STC2: variants seen among roughly 807,000 people sequenced by gnomAD.
The protein encoded by STC2 is stanniocalcin-2.
STC2 carries 7 observed loss-of-function variants against 22.7 expected under a neutral mutation model. That is an observed-to-expected ratio of 0.31 (90% CI 0.18 to 0.58). The LOEUF is 0.58. Among genes scored for constraint, STC2 ranks in the 20% least tolerant of loss-of-function variants. STC2 has a pLI of 0.89. For synonymous variants in STC2, 158 were observed against 163.4 expected, an observed-to-expected ratio of 0.97 and a Z score of 0.25; for missense variants, 336 against 406.2, an observed-to-expected ratio of 0.83 and a Z score of 1.48.
At chr5:173,327,175 C>T (rs903584811) in intron 1 of STC2, among the ~76,000 whole-genome samples, 3 of 152,258 alleles carry the variant, frequency 2.0e-5, no homozygotes, top group Non-Finnish European at 4.4e-5. Flanking sequence ...TGGGGCGTCC[C>T]TAATGGGCAC....
intron 3 of STC2, among the ~76,000 whole-genome samples, chr5:173,320,932 G>A (rs1399878056): frequency 6.6e-6 from 1 of 151,856 alleles, no homozygotes; most frequent in East Asian, 1.9e-4. Flanking sequence ...AGGCAGTTCA[G>A]CTAGAAGTAC....
At position 173,318,266 on chromosome 5, in the gene STC2, A is replaced by AAGAGAGAGAGAGAGAG. The variant is rs4041247; in HGVS notation, c.507-33_507-18dup. ...ACGTAGGGTCTAAAGATTGAAAGCAAAGAGAGAGAGAGAGAGAGAGAGAGA... is the reference window on the plus strand; with the variant it reads ...ACGTAGGGTCTAAAGATTGAAAGCAAAGAGAGAGAGAGAGAGAGAGAGAGAGAGAGAGAGAGAGAGA... On this transcript the variant is annotated splice_polypyrimidine_tract_variant and intron_variant, in intron 3 of 3. Transcript: ENST00000265087. The AAGAGAGAGAGAGAGAG allele has an allele frequency of 6.9e-4, 853 of 1,235,514 alleles. 4 individuals are homozygous for AAGAGAGAGAGAGAGAG. Among genetic ancestry groups the AAGAGAGAGAGAGAGAG allele is most frequent in the African/African-American group, 6.7e-3 (374 of 55,992 alleles). The allele number at this position is 1,235,514 out of a possible 1,614,324, so 76.5% of individuals were successfully genotyped here.
intron 3 of STC2, among the ~76,000 whole-genome samples, chr5:173,319,940 GAGGTGGGC>G (rs1561643032): frequency 6.6e-6 from 1 of 152,246 alleles, no homozygotes; most frequent in Non-Finnish European, 1.5e-5. Context: ...GGACTGCCCT[GAGGTGGGC>G]AGGTGGGCAT....
chr5:173,328,390 C>T lies in STC2; in HGVS notation c.-197G>A, dbSNP rs970498981. On this transcript the variant is annotated 5_prime_UTR_variant, in exon 1 of 4. Coordinates refer to ENST00000265087, the MANE Select transcript of STC2 (RefSeq NM_003714.3). The stretch of plus-strand genomic sequence containing the variant: ...CCGTAGCTCTCCGGAGAGCATGTGA[C>T]CAGGCCGTTAGCAGCGCCGCGAGTG... The T allele has an allele frequency of 2.1e-5, 10 of 467,640 alleles. No homozygotes were observed. The highest frequency in any genetic ancestry group is 1.4e-4 in the African/African-American group (7 of 49,800). The allele number at this position is 467,640 out of a possible 1,614,324, so 29.0% of individuals were successfully genotyped here. A position where few individuals can be genotyped will look rare whatever the true frequency, so the allele number is the denominator to read the frequency against.
intron 1 of STC2, among the ~76,000 whole-genome samples, chr5:173,327,553 T>C (rs1051334828): frequency 1.3e-5 from 2 of 152,234 alleles, no homozygotes; most frequent in Non-Finnish European, 2.9e-5. Context: ...GCCATTTGTC[T>C]CGCCGGCAAA....
At chr5:173,326,131 G>T in intron 1 of STC2, 121 bp from the exon 2 acceptor site, 1 of 1,161,290 alleles carries the variant, frequency 8.6e-7, no homozygotes, top group Non-Finnish European at 1.2e-6. Flanking sequence ...AAAAGACTTA[G>T]TAATGACTAT....
In STC2 at chr5:173,317,722, A is replaced by G; in HGVS notation, c.*125T>C. ...GTTCCGCGAACACACACCTCGATGA[A>G]GTCCACAGTCCCCACAGAATCCTGC... is the stretch of plus-strand genomic sequence containing the variant. On this transcript the variant is annotated 3_prime_UTR_variant, in exon 4 of 4. Transcript: ENST00000265087. 1 of 1,305,486 alleles carries G rather than the reference A, an allele frequency of 7.7e-7. No individual in the cohort carries two copies. The highest frequency in any genetic ancestry group is 1.0e-6 in the Non-Finnish European group (1 of 973,044). 80.9% of individuals were successfully genotyped at this position (1,305,486 alleles called of 1,614,324 possible).
At position 173,318,125 on chromosome 5, in the gene STC2, A is replaced by G. The variant is rs1762447185; in HGVS notation, c.631T>C (p.Cys211Arg). ...WGSLCSILSF[C>R]TSAIQKPPTA... ...GGAGGCTTCTGGATGGCCGAGGTGC[A>G]GAAGCTCAAGATGGAGCACAGGCTT... Residue 211 changes from cysteine to arginine, a missense_variant, in exon 4 of 4, where the codon TGC (cysteine) becomes CGC (arginine). Physicochemically the swap from Cys to Arg is radical, Grantham distance 180. Transcript: ENST00000265087. 1.1e-5 allele frequency: 18 copies of G among 1,610,494 alleles called. No homozygotes were observed. Among genetic ancestry groups the G allele is most frequent in the Non-Finnish European group, 1.5e-5 (18 of 1,178,688 alleles).
rs1762531383 is a variant in STC2, at chr5:173,325,143, A to G, written c.294+725T>C. Among the ~76,000 whole-genome samples, 1 of 152,240 alleles carries G rather than the reference A, an allele frequency of 6.6e-6. No individual in the cohort carries two copies. The highest frequency in any genetic ancestry group is 1.5e-5 in the Non-Finnish European group (1 of 68,038). Reference sequence around the variant, plus strand: ...TAGTAACAGGGCGTTTCAACAGGGCATATAAGTGGCCAGGGAGAACACGAA... The same window carrying G: ...TAGTAACAGGGCGTTTCAACAGGGCGTATAAGTGGCCAGGGAGAACACGAA... On this transcript the variant is annotated intron_variant, in intron 2 of 3. Coordinates refer to ENST00000265087, the MANE Select transcript of STC2 (RefSeq NM_003714.3). The surrounding 1 kb of genome is among the most constrained non-coding windows in gnomAD (Gnocchi z 4.7).
intron 3 of STC2, among the ~76,000 whole-genome samples, chr5:173,318,874 G>A (rs1762456184): frequency 6.6e-6 from 1 of 152,230 alleles, no homozygotes; most frequent in Non-Finnish European, 1.5e-5. Context: ...GCATCTGGAG[G>A]AGTATGGAAG....
chr5:173,318,123 G>T lies in STC2; in HGVS notation c.633C>A (p.Cys211Ter). 1 of 1,610,522 alleles carries T rather than the reference G, an allele frequency of 6.2e-7. No individual in the cohort carries two copies. The highest frequency in any genetic ancestry group is 8.5e-7 in the Non-Finnish European group (1 of 1,178,726). Residue 211 changes from cysteine (C) to a stop codon, truncating the protein, a stop_gained, in exon 4 of 4, where the codon TGC becomes TGA. Transcript: ENST00000265087. LOFTEE classifies it low-confidence loss of function (END_TRUNC). The part of the protein sequence containing the change: ...WGSLCSILSF[C>*]TSAIQKPPTA... The stretch of plus-strand genomic sequence containing the variant: ...TGGGAGGCTTCTGGATGGCCGAGGT[G>T]CAGAAGCTCAAGATGGAGCACAGGC...
At position 173,317,754 on chromosome 5, in the gene STC2, C is replaced by T. The variant is rs1396965815; in HGVS notation, c.*93G>A. On this transcript the variant is annotated 3_prime_UTR_variant, in exon 4 of 4. Transcript: ENST00000265087. ...AGTCCCCACAGAATCCTGCGTGTGA[C>T]ATCCCCCCTCTCTAATGGTAAATGT... is the stretch of plus-strand genomic sequence containing the variant. 3 of 1,451,174 alleles carry T rather than the reference C, an allele frequency of 2.1e-6. No homozygotes were observed. The highest frequency in any genetic ancestry group is 2.8e-6 in the Non-Finnish European group (3 of 1,090,242). The allele number at this position is 1,451,174 out of a possible 1,614,324, so 89.9% of individuals were successfully genotyped here. A position where few individuals can be genotyped will look rare whatever the true frequency, so the allele number is the denominator to read the frequency against.
chr5:173,325,801 T>G lies in STC2; in HGVS notation c.294+67A>C. On this transcript the variant is annotated intron_variant, in intron 2 of 3. Transcript: ENST00000265087. This position sits in a 1 kb window ranked among gnomAD's most constrained non-coding sequence, Gnocchi z 4.7. Reference sequence around the variant, plus strand: ...GCAAAGGAAGTTGGTTAACAAGGCTTTCCAATGAACGTTTCAATCATGTAT... The same window carrying G: ...GCAAAGGAAGTTGGTTAACAAGGCTGTCCAATGAACGTTTCAATCATGTAT... 6.2e-7 allele frequency: 1 copy of G among 1,603,422 alleles called. No individual in the cohort carries two copies.
At position 173,318,192 on chromosome 5, in the gene STC2, G is replaced by A. The variant is rs1264972276; in HGVS notation, c.564C>T (p.Ala188=). 1.9e-6 allele frequency: 3 copies of A among 1,555,110 alleles called. No individual in the cohort carries two copies. The highest frequency in any genetic ancestry group is 2.4e-5 in the South Asian group (2 of 83,692). Reference sequence around the variant, plus strand: ...ACTGAACCTGCACGCTGTGGGTGATGGCCTCCTTCACCTCCTCCCCACAGG... The same window carrying A: ...ACTGAACCTGCACGCTGTGGGTGATAGCCTCCTTCACCTCCTCCCCACAGG... ...LLTCGEEVKE[A]ITHSVQVQCE... is the part of the protein sequence containing the mutation. The change falls in exon 4 of 4, where the codon GCC becomes GCT. Residue 188 remains alanine (A), a synonymous_variant. Coordinates refer to ENST00000265087, the MANE Select transcript of STC2 (RefSeq NM_003714.3).
Position 173,325,902 on chromosome 5 carries a change from G to T in STC2, c.260C>A (p.Thr87Asn), listed in dbSNP as rs766088063. ...AAATTTTCCAGCGTTGTGCAGAAAA[G>T]TCATGCAAATCCCATGTAAGCCCCG... ...EIRGLHGICM[T>N]FLHNAGKFDA... Residue 87 changes from threonine (T) to asparagine (N), a missense_variant, in exon 2 of 4, where the codon ACT (threonine) becomes AAT (asparagine). Coordinates refer to ENST00000265087, the MANE Select transcript of STC2 (RefSeq NM_003714.3). The surrounding 1 kb of genome is among the most constrained non-coding windows in gnomAD (Gnocchi z 4.7). 6.2e-7 allele frequency: 1 copy of T among 1,614,176 alleles called. No homozygotes were observed.
chr5:173,327,766 A>ATTTCCCTC (rs1762568521), intron 1 of STC2, among the ~76,000 whole-genome samples: 1 of 152,212 alleles, frequency 6.6e-6, no homozygotes, highest in African/African-American at 2.4e-5. Context: ...TGGCAGCGTC[A>ATTTCCCTC]GACGCTGCTT....
In STC2 at chr5:173,316,368, A is replaced by T. The variant is rs1270888400; in HGVS notation, c.*1479T>A. The T allele has an allele frequency of 6.6e-6, 1 of 152,058 alleles. No individual in the cohort carries two copies. Among genetic ancestry groups the T allele is most frequent in the Non-Finnish European group, 1.5e-5 (1 of 68,038 alleles). 9.4% of individuals were successfully genotyped at this position (152,058 alleles called of 1,614,324 possible). A position where few individuals can be genotyped will look rare whatever the true frequency, so the allele number is the denominator to read the frequency against. On this transcript the variant is annotated 3_prime_UTR_variant, in exon 4 of 4. Coordinates refer to ENST00000265087, the MANE Select transcript of STC2 (RefSeq NM_003714.3). The stretch of plus-strand genomic sequence containing the variant: ...ATGTTTGCTGACCCCCTACTCCAGA[A>T]GAGCCCAGCCCAGAATACCCGGCCA...
rs1762402032 is a variant in STC2, at chr5:173,314,877, T to C, written c.*2970A>G. 6.6e-6 allele frequency: 1 copy of C among 152,222 alleles called. No individual in the cohort carries two copies. The highest frequency in any genetic ancestry group is 1.5e-5 in the Non-Finnish European group (1 of 68,032). 9.4% of individuals were successfully genotyped at this position (152,222 alleles called of 1,614,324 possible). A position where few individuals can be genotyped will look rare whatever the true frequency, so the allele number is the denominator to read the frequency against. On this transcript the variant is annotated 3_prime_UTR_variant, in exon 4 of 4. Coordinates refer to ENST00000265087, the MANE Select transcript of STC2 (RefSeq NM_003714.3). This position sits in a 1 kb window ranked among gnomAD's most constrained non-coding sequence, Gnocchi z 4.6. ...TGAGATCAGACGGGGTTGTTCCTCC[T>C]TAGGAAGTGGCCACTGGAAGCATTG...
At position 173,317,708 on chromosome 5, in the gene STC2, A is replaced by G. The variant is rs1004857507; in HGVS notation, c.*139T>C. ...CATCTCACCTGTCCGTTCCGCGAAC[A>G]CACACCTCGATGAAGTCCACAGTCC... On this transcript the variant is annotated 3_prime_UTR_variant, in exon 4 of 4. Transcript: ENST00000265087. 4.1e-6 allele frequency: 5 copies of G among 1,217,914 alleles called. No homozygotes were observed. Among genetic ancestry groups the G allele is most frequent in the South Asian group, 1.9e-5 (1 of 52,748 alleles). The allele number at this position is 1,217,914 out of a possible 1,614,324, so 75.4% of individuals were successfully genotyped here.
Sources: gnomAD v4.1 joint callset for allele counts (sites outside exome capture counted in the v4.1 genomes callset) on GRCh38, gnomAD v4.1.1 for gene constraint, Gnocchi (gnomAD v3.1) non-coding constraint, MANE v1.5 for transcripts, NCBI Gene and HGNC (gene_info 2026-07-23, HGNC 2026-07-21) for gene names.